ATP7B: variants seen among roughly 807,000 people sequenced by gnomAD.
ATP7B encodes the protein copper-transporting ATPase 2.
Under a neutral mutation model 118.9 loss-of-function variants are expected in ATP7B, and 113 were observed. That is an observed-to-expected ratio of 0.95 (90% CI 0.82 to 1.11). The LOEUF is 1.11. Ranked by LOEUF, ATP7B falls within the 50% of genes most tolerant of loss-of-function variation. The pLI is 0.00. For missense variants in ATP7B, 1,867 were observed against 1,871.4 expected (o/e 1.00, Z 0.04); for synonymous variants, 777 against 727.4 (o/e 1.07, Z -1.10).
rs1951984921 is a variant in ATP7B at position 51,974,131 on chromosome 13, A to G, written c.1089T>C (p.Ile363=). The G allele has an allele frequency of 6.2e-7, 1 of 1,613,784 alleles. No homozygotes were observed. Among genetic ancestry groups the G allele is most frequent in the East Asian group, 2.2e-5 (1 of 44,852 alleles). ...ATGCACAGGTCATGCCGGCAATGGC[A>G]ATCAGAGTGGTACTGCATGTGCCCT... ...QVQGTCSTTL[I]AIAGMTCASC... is the part of the protein sequence containing the mutation. The change falls in exon 2 of 21, where the codon ATT becomes ATC. Residue 363 remains isoleucine, a synonymous_variant. Coordinates refer to ENST00000242839, the MANE Select transcript of ATP7B (RefSeq NM_000053.4).
At chr13:52,008,638 T>C (rs924701236) in intron 1 of ATP7B, among the ~76,000 whole-genome samples, 1 of 152,288 alleles carries the variant, frequency 6.6e-6, no homozygotes, top group South Asian at 2.1e-4. Flanking sequence ...TTTAAGAAGC[T>C]CTATGTCAGG....
intron 1 of ATP7B, among the ~76,000 whole-genome samples, chr13:51,984,078 G>A (rs1218717420): frequency 1.3e-5 from 2 of 152,070 alleles, no homozygotes; most frequent in African/African-American, 4.8e-5. Flanking sequence ...CAAATTGACA[G>A]AAGTAGGTTT....
chr13:52,002,964 C>A (rs1164859582), intron 1 of ATP7B, among the ~76,000 whole-genome samples: 2 of 152,172 alleles, frequency 1.3e-5, no homozygotes, highest in East Asian at 3.9e-4. Flanking sequence ...TGCTTCAATG[C>A]TGAGGACCTT....
chr13:51,965,181 G>A (rs146111998), intron 4 of ATP7B, 148 bp from the exon 5 acceptor site: 64 of 952,404 alleles, frequency 6.7e-5, no homozygotes, highest in African/African-American at 3.9e-4. Context: ...TCCAAACCCC[G>A]CATGTGAGAT....
chr13:51,955,207 C>T (rs78446895), intron 9 of ATP7B, among the ~76,000 whole-genome samples: 15,075 of 152,178 alleles, frequency 0.099, 1,157 homozygotes, highest in African/African-American at 0.22. Flanking sequence ...GAGGCCCAGA[C>T]GCGGGAGGGC....
chr13:51,996,661 C>T (rs937564165), intron 1 of ATP7B, among the ~76,000 whole-genome samples: 6 of 152,206 alleles, frequency 3.9e-5, no homozygotes, highest in Non-Finnish European at 7.3e-5. Flanking sequence ...CACAGTGACG[C>T]TTCCTCCCCC....
intron 1 of ATP7B, among the ~76,000 whole-genome samples, chr13:51,977,834 T>C (rs1205078364): frequency 6.6e-6 from 1 of 152,202 alleles, no homozygotes; most frequent in Non-Finnish European, 1.5e-5. Flanking sequence ...TTCAGTTTCA[T>C]TGTAATATCA....
chr13:52,007,359 C>T (rs948142395), intron 1 of ATP7B, among the ~76,000 whole-genome samples: 3 of 152,148 alleles, frequency 2.0e-5, no homozygotes, highest in Admixed American at 6.5e-5. Flanking sequence ...CAAGGTACAT[C>T]GGGCAAGTTA....
chr13:51,937,181 G>T, intron 19 of ATP7B, 95 bp downstream of exon 19: 1 of 1,220,352 alleles, frequency 8.2e-7, no homozygotes, highest in Non-Finnish European at 1.2e-6. Flanking sequence ...CCTCTAGCCA[G>T]CCAGTGAGTG....
chr13:51,995,487 C>T (rs1953160353), intron 1 of ATP7B, among the ~76,000 whole-genome samples: 1 of 152,198 alleles, frequency 6.6e-6, no homozygotes, highest in South Asian at 2.1e-4. Flanking sequence ...ACATGTTGGT[C>T]ACTCAGAGTT....
rs773357716 is a variant in ATP7B, at chr13:51,958,570, G to T, written c.2122-26C>A. 4.4e-6 allele frequency: 7 copies of T among 1,600,944 alleles called. No homozygotes were observed. In the South Asian group the frequency reaches 7.7e-5, roughly 18 times the overall value. ...CTGAAAGACAAGGACAGTGAAGGCTGCCAGCAAGTAGGGAGGAGAGTTCAA... is the reference window on the plus strand; with the variant it reads ...CTGAAAGACAAGGACAGTGAAGGCTTCCAGCAAGTAGGGAGGAGAGTTCAA... On this transcript the variant is annotated intron_variant, in intron 7 of 20. Coordinates refer to ENST00000242839, the MANE Select transcript of ATP7B (RefSeq NM_000053.4).
chr13:52,003,781 C>T (rs1566671449), intron 1 of ATP7B, among the ~76,000 whole-genome samples: 1 of 152,224 alleles, frequency 6.6e-6, no homozygotes, highest in Admixed American at 6.5e-5. Context: ...GCAGCTGTTC[C>T]TCAGCTCCAG....
rs1053259472 is a variant in ATP7B, at chr13:51,962,044, G to A, written c.1870-131C>T. On this transcript the variant is annotated intron_variant, in intron 5 of 20. Transcript: ENST00000242839. ...AAAAGTGCCTCAGTAGACTTTGTGG[G>A]TTTTCTGCTTACAACTTCTTTACCC... The A allele has an allele frequency of 6.9e-6, 5 of 729,356 alleles. No homozygotes were observed. In the Admixed American group the frequency reaches 9.7e-5, roughly 14 times the overall value. The allele number at this position is 729,356 out of a possible 1,614,324, so 45.2% of individuals were successfully genotyped here.
chr13:51,975,485 G>A, intron 1 of ATP7B: 2 of 543,722 alleles, frequency 3.7e-6, no homozygotes, highest in Non-Finnish European at 3.6e-6. Context: ...CAGCACGGCT[G>A]GCCTGCAGCA....
Position 51,941,078 on chromosome 13 carries a change from T to C in ATP7B, c.3556+3A>G, listed in dbSNP as rs763671539. 6 of 1,614,222 alleles carry C rather than the reference T, an allele frequency of 3.7e-6. No individual in the cohort carries two copies. The Admixed American group carries it at 6.7e-5, about 18-fold the overall frequency. Reference sequence around the variant, plus strand: ...GCGGAAGGAAGGCAGAAGCAGAAGATACCGTCAATAGCCACCAGGATGGCT... The same window carrying C: ...GCGGAAGGAAGGCAGAAGCAGAAGACACCGTCAATAGCCACCAGGATGGCT... On this transcript the variant is annotated splice_donor_region_variant and intron_variant, in intron 16 of 20. Coordinates refer to ENST00000242839, the MANE Select transcript of ATP7B (RefSeq NM_000053.4).
intron 3 of ATP7B, among the ~76,000 whole-genome samples, chr13:51,969,257 A>C (rs900387129): frequency 8.6e-5 from 13 of 152,000 alleles, no homozygotes; most frequent in African/African-American, 3.1e-4. Flanking sequence ...CCTTGTTAAA[A>C]TAGAGCTTCT....
At position 51,970,474 on chromosome 13, in the gene ATP7B, T is replaced by C. The variant is rs745880170; in HGVS notation, c.1543+18A>G. The C allele has an allele frequency of 1.9e-5, 31 of 1,614,012 alleles. No individual in the cohort carries two copies. The highest frequency in any genetic ancestry group is 4.0e-5 in the African/African-American group (3 of 74,940). ...ATACGCAGCATTCCTAAGTTCAACA[T>C]GGGCGTTCATCTCTTACCAGCTTCT... On this transcript the variant is annotated intron_variant, in intron 3 of 20. Coordinates refer to ENST00000242839, the MANE Select transcript of ATP7B (RefSeq NM_000053.4).
In ATP7B at chr13:51,974,673, C is replaced by T. The variant is rs766345326; in HGVS notation, c.547G>A (p.Ala183Thr). 4 of 1,611,082 alleles carry T rather than the reference C, an allele frequency of 2.5e-6. No individual in the cohort carries two copies. Among genetic ancestry groups the T allele is most frequent in the Admixed American group, 3.3e-5 (2 of 59,900 alleles). ...RVKVSLSNQE[A>T]VITYQPYLIQ... The stretch of plus-strand genomic sequence containing the variant: ...AGATAAGGCTGATAAGTGATGACGG[C>T]CTCTTGGTTGCTGAGTGAGACTTTG... The change falls in exon 2 of 21, where the codon GCC becomes ACC. Residue 183 changes from alanine to threonine, a missense_variant. Physicochemically the swap from Ala to Thr is moderately conservative, Grantham distance 58. Transcript: ENST00000242839.
chr13:51,940,038 G>T (rs2138725518), intron 16 of ATP7B, among the ~76,000 whole-genome samples: 1 of 103,938 alleles, frequency 9.6e-6, no homozygotes, highest in Non-Finnish European at 1.7e-5. Context: ...TTGAGACAGA[G>T]TTACGCTCTT....
Sources: gnomAD v4.1 joint callset for allele counts (sites outside exome capture counted in the v4.1 genomes callset) on GRCh38, gnomAD v4.1.1 for gene constraint, MANE v1.5 for transcripts, NCBI Gene and HGNC (gene_info 2026-07-23, HGNC 2026-07-21) for gene names.